Variants in MYT1L observed in about 807,000 individuals in gnomAD.
The protein encoded by MYT1L is myelin transcription factor 1 like.
MYT1L carries 12 observed loss-of-function variants against 126.7 expected under a neutral mutation model. The ratio of observed to expected loss-of-function variants is 0.09; its 90% CI spans 0.06 to 0.15. MYT1L has a LOEUF of 0.15. Ranked by LOEUF, MYT1L falls within the 10% of genes least tolerant of loss-of-function variation. MYT1L has a pLI of 1.00. For missense variants in MYT1L, 979 were observed against 1,585.2 expected (o/e 0.62, Z 6.49); for synonymous variants, 541 against 604.2 (o/e 0.90, Z 1.53).
At chr2:1,957,634 CATCT>C (rs1328340724) in intron 8 of MYT1L, among the ~76,000 whole-genome samples, 1 of 152,132 alleles carries the variant, frequency 6.6e-6, no homozygotes, top group Non-Finnish European at 1.5e-5. Flanking sequence ...TATCAGCTGT[CATCT>C]ATCTATCGTT....
At chr2:2,147,655 G>A (rs2085081141) in intron 3 of MYT1L, among the ~76,000 whole-genome samples, 2 of 152,212 alleles carry the variant, frequency 1.3e-5, no homozygotes, top group African/African-American at 4.8e-5. Context: ...CGCAGGACGG[G>A]GGGCGGGTGG....
chr2:2,299,416 G>A (rs1195695838), intron 1 of MYT1L, among the ~76,000 whole-genome samples: 2 of 152,352 alleles, frequency 1.3e-5, no homozygotes, highest in East Asian at 1.9e-4. Context: ...AATCCAGTTC[G>A]AACTGGTGTG....
chr2:1,851,999 G>C (rs913782666), intron 18 of MYT1L, among the ~76,000 whole-genome samples: 5 of 152,054 alleles, frequency 3.3e-5, no homozygotes, highest in African/African-American at 7.2e-5. Context: ...CTAACAGCCC[G>C]CCTTTCCTCC....
chr2:2,029,924 CTGTAA>C (rs907880642), intron 4 of MYT1L, among the ~76,000 whole-genome samples: 3 of 151,988 alleles, frequency 2.0e-5, no homozygotes, highest in African/African-American at 7.3e-5. Flanking sequence ...ACTTTTTTAC[CTGTAA>C]TGTAAGGGCT....
chr2:1,968,653 A>ACACAGAGCCTGCCAGGCCCC (rs1280527308), intron 8 of MYT1L, among the ~76,000 whole-genome samples: 3 of 152,184 alleles, frequency 2.0e-5, no homozygotes, highest in Non-Finnish European at 1.5e-5. Context: ...GCGAAGGCTC[A>ACACAGAGCCTGCCAGGCCCC]CACAGAGCCT....
chr2:1,987,333 G>GT (rs1009600886), intron 5 of MYT1L, among the ~76,000 whole-genome samples: 3 of 148,752 alleles, frequency 2.0e-5, no homozygotes, highest in African/African-American at 7.4e-5. Context: ...TTTTTTTTCT[G>GT]TTTTTTGTTT....
At position 1,947,768 on chromosome 2, in the gene MYT1L, A is replaced by T. The variant is rs183034245; in HGVS notation, c.153-4434T>A. ...TTGATCAAGATAGTTGGAGAAGGTG[A>T]GTGTGTGTGGAAAGTCAAGTACACA... is the stretch of plus-strand genomic sequence containing the variant. On this transcript the variant is annotated intron_variant, in intron 8 of 24. Coordinates refer to ENST00000647738, the MANE Select transcript of MYT1L (RefSeq NM_001303052.2). 3.3e-4 allele frequency among the ~76,000 whole-genome samples: 51 copies of T among 152,344 alleles called. No homozygotes were observed. In the East Asian group the frequency reaches 9.5e-3, roughly 28 times the overall value.
intron 2 of MYT1L, among the ~76,000 whole-genome samples, chr2:2,191,955 A>G (rs1456519983): frequency 2.0e-5 from 3 of 152,254 alleles, no homozygotes; most frequent in Non-Finnish European, 4.4e-5. Context: ...TACGTTATCC[A>G]TACAGATGAG....
intron 2 of MYT1L, among the ~76,000 whole-genome samples, chr2:2,175,484 T>C (rs1428477063): frequency 6.6e-6 from 1 of 151,948 alleles, no homozygotes; most frequent in African/African-American, 2.4e-5. Context: ...GTGAGATTGG[T>C]TAAAAGATGA....
chr2:1,881,355 CGTGTGTGTGTGTGTGTGTGTGTGTGTGT>C (rs59171974), intron 18 of MYT1L, among the ~76,000 whole-genome samples: 1 of 139,126 alleles, frequency 7.2e-6, no homozygotes, highest in Non-Finnish European at 1.6e-5. Flanking sequence ...TTTGCAGGTT[CGTGTGTGTGTGTGTGTGTGTGTGTGTGT>C]GTGTGTGTGT....
chr2:1,936,800 C>G (rs2055949809), intron 9 of MYT1L, among the ~76,000 whole-genome samples: 1 of 152,122 alleles, frequency 6.6e-6, no homozygotes, highest in African/African-American at 2.4e-5. Context: ...AGAGGCCACA[C>G]AGCAGACCCC....
intron 9 of MYT1L, 109 bp downstream of exon 9, chr2:1,942,870 CAAG>C: frequency 1.4e-6 from 2 of 1,381,368 alleles, no homozygotes; most frequent in South Asian, 3.1e-5. Context: ...CAGTATTGAC[CAAG>C]AAGAACAATT....
chr2:2,148,760 C>T (rs2085277742), intron 3 of MYT1L, among the ~76,000 whole-genome samples: 1 of 152,186 alleles, frequency 6.6e-6, no homozygotes. Context: ...GGTTTCTCCA[C>T]TATGGGATTC....
intron 21 of MYT1L, among the ~76,000 whole-genome samples, chr2:1,837,818 C>T (rs1477699740): frequency 6.6e-6 from 1 of 151,746 alleles, no homozygotes; most frequent in Non-Finnish European, 1.5e-5. Context: ...TTTTCAGTTC[C>T]AGAGAAGACG....
intron 21 of MYT1L, among the ~76,000 whole-genome samples, chr2:1,831,909 G>A (rs1427132644): frequency 1.3e-5 from 2 of 152,114 alleles, no homozygotes; most frequent in African/African-American, 4.8e-5. Context: ...GAGTGCTGCT[G>A]ATTTCCGATT....
chr2:2,025,027 T>C (rs2065397818), intron 4 of MYT1L, among the ~76,000 whole-genome samples: 2 of 152,262 alleles, frequency 1.3e-5, no homozygotes, highest in African/African-American at 4.8e-5. Context: ...TTGCCCCCAC[T>C]GCATCTGAAC....
chr2:1,984,505 A>ATTTTT (rs35510686), intron 5 of MYT1L, among the ~76,000 whole-genome samples: 9 of 114,274 alleles, frequency 7.9e-5, no homozygotes, highest in African/African-American at 2.6e-4. Flanking sequence ...CCAAGAACTA[A>ATTTTT]TTTTTTTTTT....
intron 4 of MYT1L, among the ~76,000 whole-genome samples, chr2:2,031,274 G>A (rs939805923): frequency 5.3e-5 from 8 of 152,222 alleles, no homozygotes; most frequent in Non-Finnish European, 8.8e-5. Flanking sequence ...GCTGGGAGAG[G>A]TGCTCAGGAT....
At chr2:1,830,436 G>A (rs2039982647) in intron 21 of MYT1L, among the ~76,000 whole-genome samples, 1 of 152,192 alleles carries the variant, frequency 6.6e-6, no homozygotes, top group Non-Finnish European at 1.5e-5. Context: ...ACATTGTCTG[G>A]AAGATAAGGA....
Sources: gnomAD v4.1 joint callset for allele counts (sites outside exome capture counted in the v4.1 genomes callset) on GRCh38, gnomAD v4.1.1 for gene constraint, MANE v1.5 for transcripts, NCBI Gene and HGNC (gene_info 2026-07-23, HGNC 2026-07-21) for gene names.